Variants in KIAA1549 observed in about 807,000 individuals in gnomAD.
KIAA1549 encodes the protein UPF0606 protein KIAA1549.
Under a neutral mutation model 156.4 loss-of-function variants are expected in KIAA1549, and 70 were observed. That is an observed-to-expected ratio of 0.45 (90% CI 0.37 to 0.55). The LOEUF (loss-of-function observed/expected upper bound fraction) is 0.55. Among genes scored for constraint, KIAA1549 ranks in the 20% least tolerant of loss-of-function variants. The pLI, the probability that KIAA1549 is intolerant of heterozygous loss-of-function variation, is 0.00. For synonymous variants in KIAA1549, 1,103 were observed against 1,066.4 expected (o/e 1.03, Z -0.67); for missense variants, 2,428 against 2,540.9 (o/e 0.96, Z 0.96).
intron 10 of KIAA1549, among the ~76,000 whole-genome samples, chr7:138,891,866 G>A (rs908620963): frequency 6.6e-6 from 1 of 152,142 alleles, no homozygotes; most frequent in Non-Finnish European, 1.5e-5. Flanking sequence ...CCTTTGCTAT[G>A]GCCACATGAC....
At chr7:138,961,948 C>CG (rs1813866288) in intron 1 of KIAA1549, among the ~76,000 whole-genome samples, 2 of 152,080 alleles carry the variant, frequency 1.3e-5, no homozygotes, top group South Asian at 4.2e-4. Flanking sequence ...ATCATCCTCC[C>CG]GCCCCTTTAC....
rs773446006 is a variant in KIAA1549 at position 138,881,597 on chromosome 7, C to A, written c.4033-13G>T. ...TAGGGATCTGCAGCTGAAACATACA[C>A]ACACACAAACAAGATTGTTAACCCG... is the stretch of plus-strand genomic sequence containing the variant. On this transcript the variant is annotated splice_polypyrimidine_tract_variant and intron_variant, in intron 10 of 19. Transcript: ENST00000422774. 1.2e-6 allele frequency: 2 copies of A among 1,602,954 alleles called. No homozygotes were observed. The highest frequency in any genetic ancestry group is 1.1e-5 in the South Asian group (1 of 89,850).
At chr7:138,931,518 G>A (rs1294867271) in intron 1 of KIAA1549, among the ~76,000 whole-genome samples, 2 of 152,094 alleles carry the variant, frequency 1.3e-5, no homozygotes, top group Non-Finnish European at 2.9e-5. Context: ...TTGGGAGGCC[G>A]AGGTGGGTGG....
intron 1 of KIAA1549, among the ~76,000 whole-genome samples, chr7:138,924,745 G>C (rs529812960): frequency 6.6e-6 from 1 of 152,132 alleles, no homozygotes; most frequent in Non-Finnish European, 1.5e-5. Flanking sequence ...GTTAACTCAG[G>C]AGGAGACTAG....
At chr7:138,955,897 G>A (rs936672491) in intron 1 of KIAA1549, among the ~76,000 whole-genome samples, 1 of 152,024 alleles carries the variant, frequency 6.6e-6, no homozygotes, top group Admixed American at 6.6e-5. Flanking sequence ...TTGTTTTTTG[G>A]GGGGTGGGGT....
chr7:138,846,861 T>C (rs1810092314), intron 17 of KIAA1549, among the ~76,000 whole-genome samples: 1 of 152,204 alleles, frequency 6.6e-6, no homozygotes. Context: ...TGACTTGCAC[T>C]TATTCTCCAG....
At chr7:138,924,910 C>T (rs892142931) in intron 1 of KIAA1549, among the ~76,000 whole-genome samples, 4 of 152,134 alleles carry the variant, frequency 2.6e-5, no homozygotes, top group African/African-American at 4.8e-5. Context: ...TGGGGTGAGA[C>T]GGGTGCTTCT....
intron 12 of KIAA1549, among the ~76,000 whole-genome samples, chr7:138,879,081 C>G (rs531965595): frequency 6.6e-6 from 1 of 152,320 alleles, no homozygotes; most frequent in South Asian, 2.1e-4. Flanking sequence ...GCTAAACCAT[C>G]TGATCACACT....
chr7:138,858,784 G>C (rs1285674193), intron 16 of KIAA1549, among the ~76,000 whole-genome samples: 7 of 152,130 alleles, frequency 4.6e-5, no homozygotes, highest in Non-Finnish European at 1.0e-4. Flanking sequence ...GAGGCAGGCA[G>C]ATCACGAGGT....
chr7:138,936,457 G>A (rs945213795), intron 1 of KIAA1549, among the ~76,000 whole-genome samples: 3 of 152,090 alleles, frequency 2.0e-5, no homozygotes, highest in African/African-American at 4.8e-5. Flanking sequence ...GCCCTGCCTC[G>A]CACAACTTCT....
intron 19 of KIAA1549, among the ~76,000 whole-genome samples, chr7:138,839,778 CT>C (rs763327649): frequency 0.017 from 1,021 of 61,262 alleles, 2 homozygotes; most frequent in African/African-American, 0.054. Flanking sequence ...GGGATTATGT[CT>C]TTTTTTTTTT....
intron 12 of KIAA1549, among the ~76,000 whole-genome samples, chr7:138,879,098 C>T (rs903564125): frequency 2.6e-4 from 40 of 152,296 alleles, no homozygotes; most frequent in African/African-American, 8.2e-4. Context: ...CACTAAACCA[C>T]CTGGTGGAAG....
At chr7:138,840,047 C>T in intron 19 of KIAA1549, 86 bp downstream of exon 19, 3 of 1,260,338 alleles carry the variant, frequency 2.4e-6, no homozygotes, top group Non-Finnish European at 3.2e-6. Context: ...GCCTCGGCCT[C>T]CCAAAGTGCT....
intron 1 of KIAA1549, among the ~76,000 whole-genome samples, chr7:138,979,595 T>C (rs1242040462): frequency 6.6e-6 from 1 of 152,226 alleles, no homozygotes; most frequent in Non-Finnish European, 1.5e-5. Context: ...TTATGACAGA[T>C]GAATCCACGA....
Position 138,831,849 on chromosome 7 carries a change from G to T in KIAA1549, c.*6057C>A, listed in dbSNP as rs1463929070. ...CTCCCTGCGTCCCAGAGATGCTCCG[G>T]AGGAGGGCAAAGTCGAGGGCGTTCC... On this transcript the variant is annotated 3_prime_UTR_variant, in exon 20 of 20. Coordinates refer to ENST00000422774, the MANE Select transcript of KIAA1549 (RefSeq NM_001164665.2). The T allele has an allele frequency of 4.3e-6, 1 of 232,844 alleles. No homozygotes were observed. Among genetic ancestry groups the T allele is most frequent in the Admixed American group, 5.6e-5 (1 of 17,776 alleles). 14.4% of individuals were successfully genotyped at this position (232,844 alleles called of 1,614,324 possible).
intron 14 of KIAA1549, among the ~76,000 whole-genome samples, chr7:138,869,294 T>TCCCACAC (rs1810849657): frequency 6.6e-6 from 1 of 151,810 alleles, no homozygotes; most frequent in Non-Finnish European, 1.5e-5. Flanking sequence ...AGGGGCAGAG[T>TCCCACAC]TGAGAACAAA....
chr7:138,949,883 G>A (rs542180136), intron 1 of KIAA1549, among the ~76,000 whole-genome samples: 12 of 152,298 alleles, frequency 7.9e-5, no homozygotes, highest in Non-Finnish European at 1.2e-4. Flanking sequence ...GCAATATCAC[G>A]AGAGCAGCGA....
At chr7:138,953,036 A>G (rs1451261644) in intron 1 of KIAA1549, among the ~76,000 whole-genome samples, 3 of 152,212 alleles carry the variant, frequency 2.0e-5, no homozygotes, top group African/African-American at 4.8e-5. Flanking sequence ...TGTTGCTTCA[A>G]AAGTCTGTTC....
At chr7:138,873,995 TTTG>T (rs1811009463) in intron 12 of KIAA1549, among the ~76,000 whole-genome samples, 1 of 148,356 alleles carries the variant, frequency 6.7e-6, no homozygotes, top group Non-Finnish European at 1.5e-5. Context: ...AGTATATATT[TTTG>T]TTTATAGAAC....
Sources: allele counts gnomAD v4.1 joint callset (sites outside exome capture counted in the v4.1 genomes callset), GRCh38; gene constraint gnomAD v4.1.1; transcripts MANE v1.5; gene names NCBI Gene and HGNC (gene_info 2026-07-23, HGNC 2026-07-21).